Variants in TMEM11 observed in about 807,000 individuals in gnomAD.
TMEM11 encodes the protein transmembrane protein 11.
A neutral mutation model predicts 17.0 loss-of-function variants in TMEM11; 1 was observed. The ratio of observed to expected loss-of-function variants is 0.06; its 90% CI spans 0.02 to 0.28. The LOEUF is 0.28. Ranked by LOEUF, TMEM11 falls within the 10% of genes least tolerant of loss-of-function variation. TMEM11 has a pLI of 1.00. For missense variants in TMEM11, 172 were observed against 252.9 expected, an observed-to-expected ratio of 0.68 and a Z score of 2.17; for synonymous variants, 122 against 118.1, an observed-to-expected ratio of 1.03 and a Z score of -0.21.
At chr17:21,205,878 C>A (rs989365695) in intron 1 of TMEM11, among the ~76,000 whole-genome samples, 15 of 152,066 alleles carry the variant, frequency 9.9e-5, no homozygotes, top group Non-Finnish European at 1.8e-4. Context: ...TAGCATGTAT[C>A]CGAATTTTCT....
chr17:21,199,498 A>G (rs1974859577), intron 1 of TMEM11, among the ~76,000 whole-genome samples: 2 of 152,176 alleles, frequency 1.3e-5, no homozygotes, highest in African/African-American at 4.8e-5. Context: ...AGGAGCACAC[A>G]CGGCAGCAGA....
At chr17:21,201,004 G>A (rs139077407) in intron 1 of TMEM11, among the ~76,000 whole-genome samples, 71 of 152,326 alleles carry the variant, frequency 4.7e-4, no homozygotes, top group Middle Eastern at 3.4e-3. Flanking sequence ...TCGGACTGTC[G>A]GGAAACTTCA....
At chr17:21,201,212 C>A (rs1002725951) in intron 1 of TMEM11, among the ~76,000 whole-genome samples, 2 of 152,188 alleles carry the variant, frequency 1.3e-5, no homozygotes, top group Non-Finnish European at 2.9e-5. Flanking sequence ...AGCATGGGGA[C>A]CCTAACCCCG....
chr17:21,207,513 G>T (rs1488656201), intron 1 of TMEM11, among the ~76,000 whole-genome samples: 1 of 151,192 alleles, frequency 6.6e-6, no homozygotes, highest in African/African-American at 2.4e-5. Flanking sequence ...GGGTGACAAA[G>T]TGAGAGTCCG....
At chr17:21,213,848 T>C in intron 1 of TMEM11, 2 of 449,942 alleles carry the variant, frequency 4.4e-6, no homozygotes, top group Non-Finnish European at 8.0e-6. Flanking sequence ...CCGCCCCGCA[T>C]GGCCGCTGCC....
rs1974850585 is a variant in TMEM11 at position 21,198,952 on chromosome 17, G to A, written c.63-112C>T. The A allele has an allele frequency of 8.6e-7, 1 of 1,168,374 alleles. No individual in the cohort carries two copies. The highest frequency in any genetic ancestry group is 1.2e-6 in the Non-Finnish European group (1 of 841,752). The allele number at this position is 1,168,374 out of a possible 1,614,324, so 72.4% of individuals were successfully genotyped here. ...GGGAGGTCTGAGCCTGCACTGCGGA[G>A]AGCACATCTCACTTGGGTCCTCATC... On this transcript the variant is annotated intron_variant, in intron 1 of 1. Transcript: ENST00000317635. The surrounding 1 kb of genome is among the most constrained non-coding windows in gnomAD (Gnocchi z 6.5).
chr17:21,213,652 T>C (rs929777379), intron 1 of TMEM11: 2 of 175,794 alleles, frequency 1.1e-5, no homozygotes, highest in Non-Finnish European at 1.2e-5. Context: ...CTGTGAAGGC[T>C]TCCCCTTCTT....
intron 1 of TMEM11, among the ~76,000 whole-genome samples, chr17:21,212,416 G>T (rs1420659661): frequency 6.6e-6 from 1 of 152,124 alleles, no homozygotes; most frequent in African/African-American, 2.4e-5. Flanking sequence ...CCAAGAACTG[G>T]AACCAAGCAC....
intron 1 of TMEM11, chr17:21,208,339 A>G (rs1974967113): frequency 6.6e-6 from 1 of 152,182 alleles, no homozygotes; most frequent in Non-Finnish European, 1.5e-5. Flanking sequence ...CTTATTCTTA[A>G]AAAGAAAAAT....
chr17:21,213,019 G>C (rs1386425895), intron 1 of TMEM11: 1 of 152,224 alleles, frequency 6.6e-6, no homozygotes, highest in Non-Finnish European at 1.5e-5. Flanking sequence ...TGCCAAACAG[G>C]AAGAATCTTC....
chr17:21,202,107 C>A (rs1974888846), intron 1 of TMEM11, among the ~76,000 whole-genome samples: 2 of 152,184 alleles, frequency 1.3e-5, no homozygotes, highest in Non-Finnish European at 2.9e-5. Flanking sequence ...GGCGGGGCCT[C>A]CACTCTCAGG....
chr17:21,211,005 A>C, intron 1 of TMEM11: 1 of 1,289,854 alleles, frequency 7.8e-7, no homozygotes, highest in Non-Finnish European at 1.0e-6. Context: ...CAGCCCAAGT[A>C]AGACAGGCAG....
rs1974840353 is a variant in TMEM11 at position 21,198,192 on chromosome 17, A to AT, written c.*131dup. On this transcript the variant is annotated 3_prime_UTR_variant, in exon 2 of 2. Transcript: ENST00000317635. This position sits in a 1 kb window ranked among gnomAD's most constrained non-coding sequence, Gnocchi z 6.5. ...ACCCTGGGTACACCCGTGATCTGTT[A>AT]TTTTTTAAAAATAACAAATACTAAG... 5 of 1,232,046 alleles carry AT rather than the reference A, an allele frequency of 4.1e-6. No homozygotes were observed. Among genetic ancestry groups the AT allele is most frequent in the Non-Finnish European group, 5.7e-6 (5 of 884,458 alleles). 76.3% of individuals were successfully genotyped at this position (1,232,046 alleles called of 1,614,324 possible). A position where few individuals can be genotyped will look rare whatever the true frequency, so the allele number is the denominator to read the frequency against.
Position 21,198,895 on chromosome 17 carries a change from CT to C in TMEM11, c.63-56del, listed in dbSNP as rs1567634721. The C allele has an allele frequency of 1.1e-5, 17 of 1,554,792 alleles. No homozygotes were observed. The highest frequency in any genetic ancestry group is 1.3e-5 in the Non-Finnish European group (15 of 1,150,664). ...GAGAGAGAGAGACAGGATGATTAGGCTGAGGAGCACTTAACTGTGTTTCAGC... is the reference window on the plus strand; with the variant it reads ...GAGAGAGAGAGACAGGATGATTAGGCGAGGAGCACTTAACTGTGTTTCAGC... On this transcript the variant is annotated intron_variant, in intron 1 of 1. Transcript: ENST00000317635. The surrounding 1 kb of genome is among the most constrained non-coding windows in gnomAD (Gnocchi z 6.5).
At chr17:21,210,840 C>T (rs910293406) in intron 1 of TMEM11, 197 of 1,153,888 alleles carry the variant, frequency 1.7e-4, no homozygotes, top group Non-Finnish European at 2.0e-4. Context: ...GCCCTCTGCA[C>T]ACCCCAGGTT....
intron 1 of TMEM11, chr17:21,213,850 G>A: frequency 1.9e-6 from 1 of 523,376 alleles, no homozygotes; most frequent in Non-Finnish European, 3.4e-6. Flanking sequence ...GCCCCGCATG[G>A]CCGCTGCCTA....
intron 1 of TMEM11, among the ~76,000 whole-genome samples, chr17:21,204,738 TG>T (rs1456464365): frequency 1.3e-5 from 2 of 152,098 alleles, no homozygotes; most frequent in Non-Finnish European, 2.9e-5. Context: ...GCATGATCTC[TG>T]GTACTTAAAG....
Position 21,198,947 on chromosome 17 carries a change from GC to G in TMEM11, c.63-108del. 1 of 1,232,420 alleles carries G rather than the reference GC, an allele frequency of 8.1e-7. No homozygotes were observed. Among genetic ancestry groups the G allele is most frequent in the Non-Finnish European group, 1.1e-6 (1 of 896,950 alleles). 76.3% of individuals were successfully genotyped at this position (1,232,420 alleles called of 1,614,324 possible). A position where few individuals can be genotyped will look rare whatever the true frequency, so the allele number is the denominator to read the frequency against. The stretch of plus-strand genomic sequence containing the variant: ...GCTGGGGGAGGTCTGAGCCTGCACT[GC>G]GGAGAGCACATCTCACTTGGGTCCT... On this transcript the variant is annotated intron_variant, in intron 1 of 1. Coordinates refer to ENST00000317635, the MANE Select transcript of TMEM11 (RefSeq NM_003876.3). The surrounding 1 kb of genome is among the most constrained non-coding windows in gnomAD (Gnocchi z 6.5).
At chr17:21,211,597 G>A (rs143550844) in intron 1 of TMEM11, among the ~76,000 whole-genome samples, 186 of 152,354 alleles carry the variant, frequency 1.2e-3, no homozygotes, top group African/African-American at 4.0e-3. Flanking sequence ...GTGCTAAACT[G>A]GACCATCCAA....
Sources: gnomAD v4.1 joint callset for allele counts (sites outside exome capture counted in the v4.1 genomes callset) on GRCh38, gnomAD v4.1.1 for gene constraint, Gnocchi (gnomAD v3.1) non-coding constraint, MANE v1.5 for transcripts, NCBI Gene and HGNC (gene_info 2026-07-23, HGNC 2026-07-21) for gene names.